The following LRCH1 variants were observed in gnomAD, a reference collection of about 807,000 sequenced individuals.
The protein encoded by LRCH1 is leucine-rich repeat and calponin homology domain-containing protein 1.
Under a neutral mutation model 94.9 loss-of-function variants are expected in LRCH1, and 23 were observed. That is an observed-to-expected ratio of 0.24 (90% CI 0.17 to 0.34). The LOEUF (loss-of-function observed/expected upper bound fraction) is 0.34. LRCH1 is among the 10% of genes least tolerant of loss of function. LRCH1 has a pLI of 1.00. For synonymous variants in LRCH1, 364 were observed against 354.9 expected, an observed-to-expected ratio of 1.03 and a Z score of -0.29; for missense variants, 790 against 945.9, an observed-to-expected ratio of 0.84 and a Z score of 2.16.
intron 1 of LRCH1, among the ~76,000 whole-genome samples, chr13:46,631,583 T>C (rs934013000): frequency 6.6e-6 from 1 of 152,202 alleles, no homozygotes; most frequent in African/African-American, 2.4e-5. Flanking sequence ...CTACTTTTTT[T>C]TTCTAGTAAT....
intron 1 of LRCH1, among the ~76,000 whole-genome samples, chr13:46,614,154 A>G (rs1042563198): frequency 6.6e-6 from 1 of 152,150 alleles, no homozygotes; most frequent in Non-Finnish European, 1.5e-5. Flanking sequence ...TATCATAGCA[A>G]ATTTGTAATA....
chr13:46,709,073 C>T (rs140645355), intron 13 of LRCH1, among the ~76,000 whole-genome samples: 1 of 152,336 alleles, frequency 6.6e-6, no homozygotes, highest in African/African-American at 2.4e-5. Flanking sequence ...CTGATAGCTG[C>T]AAACACTCCA....
chr13:46,588,471 C>T (rs1169779191), intron 1 of LRCH1, among the ~76,000 whole-genome samples: 3 of 152,012 alleles, frequency 2.0e-5, no homozygotes, highest in Non-Finnish European at 4.4e-5. Context: ...CTTCCTCCAG[C>T]TTTTTATTGT....
chr13:46,619,455 A>G (rs1431728448), intron 1 of LRCH1, among the ~76,000 whole-genome samples: 1 of 152,132 alleles, frequency 6.6e-6, no homozygotes, highest in Non-Finnish European at 1.5e-5. Context: ...TTAGTTTAAG[A>G]AGGTAGGTTT....
intron 1 of LRCH1, among the ~76,000 whole-genome samples, chr13:46,572,574 G>C (rs1315526769): frequency 2.6e-5 from 4 of 151,824 alleles, no homozygotes; most frequent in Non-Finnish European, 5.9e-5. Flanking sequence ...TACCTATAAC[G>C]ACTGTTTTCA....
At chr13:46,710,298 C>T (rs1379960574) in intron 13 of LRCH1, among the ~76,000 whole-genome samples, 1 of 152,064 alleles carries the variant, frequency 6.6e-6, no homozygotes, top group African/African-American at 2.4e-5. Flanking sequence ...TGGGTTTGGC[C>T]CTGTAGCCAG....
intron 7 of LRCH1, among the ~76,000 whole-genome samples, chr13:46,691,470 C>A (rs1298850640): frequency 6.6e-6 from 1 of 152,140 alleles, no homozygotes; most frequent in Non-Finnish European, 1.5e-5. Context: ...TTAGTTCATT[C>A]TTGTGTTGCT....
chr13:46,655,265 TC>T (rs1235986345), intron 2 of LRCH1, among the ~76,000 whole-genome samples: 1 of 152,170 alleles, frequency 6.6e-6, no homozygotes, highest in East Asian at 1.9e-4. Flanking sequence ...CAACCTCTAG[TC>T]CTAAATTAGA....
intron 14 of LRCH1, 70 bp from the exon 15 acceptor site, chr13:46,712,455 G>A: frequency 8.2e-7 from 1 of 1,225,762 alleles, no homozygotes; most frequent in Non-Finnish European, 1.2e-6. Flanking sequence ...CTTGAACATA[G>A]AAAACCATAC....
At chr13:46,645,414 G>A (rs557641230) in intron 1 of LRCH1, among the ~76,000 whole-genome samples, 2 of 152,170 alleles carry the variant, frequency 1.3e-5, no homozygotes, top group African/African-American at 4.8e-5. Context: ...TACAGTATTG[G>A]TGGGTTTATA....
intron 1 of LRCH1, among the ~76,000 whole-genome samples, chr13:46,587,606 GCTT>G (rs1479314269): frequency 3.9e-5 from 6 of 152,178 alleles, no homozygotes; most frequent in Non-Finnish European, 8.8e-5. Flanking sequence ...TTTAGTAAAT[GCTT>G]CTTTTAACGG....
intron 2 of LRCH1, among the ~76,000 whole-genome samples, chr13:46,652,283 A>T (rs2051316037): frequency 6.6e-6 from 1 of 151,654 alleles, no homozygotes; most frequent in Admixed American, 6.6e-5. Flanking sequence ...TCACCATGTT[A>T]GCCAGGATGG....
intron 19 of LRCH1, 79 bp downstream of exon 19, chr13:46,734,077 T>G: frequency 1.5e-6 from 1 of 662,644 alleles, no homozygotes; most frequent in Non-Finnish European, 2.5e-6. Context: ...ATTGAATCGA[T>G]GCAAAGCTTT....
Position 46,694,262 on chromosome 13 carries a change from G to A in LRCH1, c.1121-631G>A, listed in dbSNP as rs113866401. Among the ~76,000 whole-genome samples, 5 of 152,266 alleles carry A rather than the reference G, an allele frequency of 3.3e-5. 1 individual carries two copies. The highest frequency in any genetic ancestry group is 1.2e-4 in the African/African-American group (5 of 41,540). ...CCAGTATGGTTCTTTTTCATCTTCA[G>A]AACAGTTGGAAGAGTTCTGCAGGGT... On this transcript the variant is annotated intron_variant, in intron 8 of 19. Coordinates refer to ENST00000389797, the MANE Select transcript of LRCH1 (RefSeq NM_001164211.2).
intron 1 of LRCH1, among the ~76,000 whole-genome samples, chr13:46,642,986 C>T (rs763118362): frequency 6.6e-6 from 1 of 152,086 alleles, no homozygotes; most frequent in African/African-American, 2.4e-5. Flanking sequence ...GCTCATAAGC[C>T]GATTCACTAA....
At chr13:46,699,576 G>A (rs1289683039) in intron 10 of LRCH1, among the ~76,000 whole-genome samples, 173 bp downstream of exon 10, 8 of 152,124 alleles carry the variant, frequency 5.3e-5, no homozygotes, top group East Asian at 3.8e-4. Context: ...GCTTTTTGTC[G>A]TGGTATTGGG....
At chr13:46,678,742 T>C (rs1180875634) in intron 3 of LRCH1, among the ~76,000 whole-genome samples, 1 of 152,188 alleles carries the variant, frequency 6.6e-6, no homozygotes, top group Non-Finnish European at 1.5e-5. Flanking sequence ...TTAATAAGGC[T>C]ATTATGTTAG....
chr13:46,592,344 A>T (rs2050509696), intron 1 of LRCH1, among the ~76,000 whole-genome samples: 1 of 152,216 alleles, frequency 6.6e-6, no homozygotes, highest in Admixed American at 6.5e-5. Flanking sequence ...ATAGTGCCCC[A>T]GTGAAATATG....
Position 46,657,692 on chromosome 13 carries a change from A to ATTT in LRCH1, c.452+7361_452+7363dup, listed in dbSNP as rs55823488. On this transcript the variant is annotated intron_variant, in intron 2 of 19. Transcript: ENST00000389797. ...AGACGTGCGCCACCATGCCCAGCTA[A>ATTT]TTTTTTTTTTTTTTTTGGTAGAGAT... Among the ~76,000 whole-genome samples, 27 of 46,918 alleles carry ATTT rather than the reference A, an allele frequency of 5.8e-4. 4 individuals are homozygous for ATTT. The East Asian group carries it at 7.3e-3, about 13-fold the overall frequency. 30.8% of individuals were successfully genotyped at this position (46,918 alleles called of 152,430 possible). A position where few individuals can be genotyped will look rare whatever the true frequency, so the allele number is the denominator to read the frequency against.
Sources: allele counts gnomAD v4.1 joint callset (sites outside exome capture counted in the v4.1 genomes callset), GRCh38; gene constraint gnomAD v4.1.1; transcripts MANE v1.5; gene names NCBI Gene and HGNC (gene_info 2026-07-23, HGNC 2026-07-21).